The following PBX1 variants were observed in gnomAD, a reference collection of about 807,000 sequenced individuals.
The protein encoded by PBX1 is pre-B-cell leukemia transcription factor 1.
Under a neutral mutation model 53.4 loss-of-function variants are expected in PBX1, and 6 were observed. The observed-to-expected ratio is 0.11, with a 90% CI of 0.06 to 0.22. The LOEUF is 0.22. Ranked by LOEUF, PBX1 falls within the 10% of genes least tolerant of loss-of-function variation. The probability of loss-of-function intolerance (pLI) is 1.00; values close to 1 mark genes in which losing one functional copy is unlikely to be tolerated. For missense variants in PBX1, 251 were observed against 551.4 expected (o/e 0.46, Z 5.46); for synonymous variants, 204 against 212.3 (o/e 0.96, Z 0.34).
chr1:164,793,872 C>CTTTTTTTTTTTTTT (rs72414989), intron 3 of PBX1, among the ~76,000 whole-genome samples: 4 of 78,220 alleles, frequency 5.1e-5, no homozygotes, highest in African/African-American at 1.0e-4. Flanking sequence ...TTTTTCCTTT[C>CTTTTTTTTTTTTTT]TTTTTTTTTT....
chr1:164,666,792 A>G (rs1260027671), intron 2 of PBX1, among the ~76,000 whole-genome samples: 1 of 152,202 alleles, frequency 6.6e-6, no homozygotes, highest in East Asian at 1.9e-4. Flanking sequence ...AAGTAGTAAA[A>G]ATAAATAATA....
intron 2 of PBX1, among the ~76,000 whole-genome samples, chr1:164,727,789 T>C (rs1664776372): frequency 6.6e-6 from 1 of 152,168 alleles, no homozygotes; most frequent in Admixed American, 6.5e-5. Context: ...GAAGTCTTTG[T>C]CCCAGCCTCC....
At chr1:164,723,154 G>A (rs571752526) in intron 2 of PBX1, among the ~76,000 whole-genome samples, 61 of 152,254 alleles carry the variant, frequency 4.0e-4, no homozygotes, top group Admixed American at 1.4e-3. Context: ...CCCAGATTGG[G>A]CATTATGCAT....
In PBX1 at chr1:164,847,334, A is replaced by G. The variant is rs1671624212; in HGVS notation, c.*658A>G. Reference sequence around the variant, plus strand: ...TCATAGCTGGGATTCTAAAGGTGCCACATTTTTCAGTTTCATCTCCACTAG... The same window carrying G: ...TCATAGCTGGGATTCTAAAGGTGCCGCATTTTTCAGTTTCATCTCCACTAG... On this transcript the variant is annotated 3_prime_UTR_variant, in exon 9 of 9. Coordinates refer to ENST00000420696, the MANE Select transcript of PBX1 (RefSeq NM_002585.4). The G allele has an allele frequency of 1.9e-6, 2 of 1,064,818 alleles. No homozygotes were observed. The highest frequency in any genetic ancestry group is 2.3e-6 in the Non-Finnish European group (2 of 879,086). 66.0% of individuals were successfully genotyped at this position (1,064,818 alleles called of 1,614,324 possible). A position where few individuals can be genotyped will look rare whatever the true frequency, so the allele number is the denominator to read the frequency against.
At chr1:164,881,359 AGGAG>A (rs1672647136) in intron 2 of PBX1, among the ~76,000 whole-genome samples, 1 of 54,370 alleles carries the variant, frequency 1.8e-5, no homozygotes, top group African/African-American at 5.0e-5. Context: ...GAAGGAAGGA[AGGAG>A]GAAAAGAAGG....
At chr1:164,724,468 G>A (rs559506757) in intron 2 of PBX1, among the ~76,000 whole-genome samples, 2 of 152,206 alleles carry the variant, frequency 1.3e-5, no homozygotes, top group South Asian at 4.1e-4. Flanking sequence ...AATAGCTGAT[G>A]AGGTAAAAGA....
chr1:164,672,262 T>C (rs1361421412), intron 2 of PBX1, among the ~76,000 whole-genome samples: 1 of 152,144 alleles, frequency 6.6e-6, no homozygotes, highest in Admixed American at 6.5e-5. Context: ...CTGTCATCGG[T>C]GGGCACTGCT....
At chr1:164,641,915 A>G (rs532324884) in intron 2 of PBX1, 2 of 152,298 alleles carry the variant, frequency 1.3e-5, no homozygotes, top group East Asian at 3.9e-4. Context: ...GATAAATTTT[A>G]AGCTTTTGAT....
At chr1:164,869,864 C>T (rs1672307577) in intron 2 of PBX1, among the ~76,000 whole-genome samples, 1 of 152,136 alleles carries the variant, frequency 6.6e-6, no homozygotes, top group Non-Finnish European at 1.5e-5. Context: ...GGGGCAGAAG[C>T]AAGCCAGGCA....
intron 2 of PBX1, among the ~76,000 whole-genome samples, chr1:164,786,161 G>A (rs944469981): frequency 6.6e-6 from 1 of 152,178 alleles, no homozygotes; most frequent in Non-Finnish European, 1.5e-5. Flanking sequence ...ACAGATCCTT[G>A]GATCTCACCA....
chr1:164,571,089 C>T (rs1653816585), intron 2 of PBX1, among the ~76,000 whole-genome samples: 1 of 152,128 alleles, frequency 6.6e-6, no homozygotes, highest in Non-Finnish European at 1.5e-5. Flanking sequence ...CTAGTACATT[C>T]CTTATTTAGG....
chr1:164,665,294 T>A (rs1485486620), intron 2 of PBX1, among the ~76,000 whole-genome samples: 1 of 152,206 alleles, frequency 6.6e-6, no homozygotes, highest in East Asian at 1.9e-4. Flanking sequence ...TTTTATTGAT[T>A]TACTTTTTGA....
chr1:164,815,715 G>T (rs566696098), intron 6 of PBX1: 1 of 152,298 alleles, frequency 6.6e-6, no homozygotes, highest in South Asian at 2.1e-4. Context: ...GATAGATCTT[G>T]TGAGAACTCA....
At chr1:164,792,138 T>C (rs569687454) in intron 2 of PBX1, among the ~76,000 whole-genome samples, 1 of 152,278 alleles carries the variant, frequency 6.6e-6, no homozygotes, top group East Asian at 1.9e-4. Context: ...TTGAGTATTA[T>C]TTTGCAGCCA....
intron 2 of PBX1, among the ~76,000 whole-genome samples, chr1:164,690,660 T>G (rs1176953747): frequency 6.6e-6 from 1 of 152,010 alleles, no homozygotes; most frequent in Non-Finnish European, 1.5e-5. Flanking sequence ...TTTCTGTTGT[T>G]GCTGTTTCTT....
intron 2 of PBX1, among the ~76,000 whole-genome samples, chr1:164,653,460 C>T (rs570101480): frequency 6.6e-6 from 1 of 151,824 alleles, no homozygotes. Flanking sequence ...AGTGGCAGGG[C>T]CGTGGTGCTG....
intron 2 of PBX1, among the ~76,000 whole-genome samples, chr1:164,678,695 C>T (rs1297896765): frequency 6.6e-6 from 1 of 152,184 alleles, no homozygotes. Context: ...ATTATCTCAG[C>T]AAAACCCCTC....
chr1:164,846,574 T>C lies in PBX1; in HGVS notation c.1201-10T>C. On this transcript the variant is annotated splice_polypyrimidine_tract_variant and intron_variant, in intron 8 of 8. Transcript: ENST00000420696. ...CAGAGGACTGACTTCTCTCCCTTTTTCCCTTCTAGGCTAATGGAGGTTGGC... is the reference window on the plus strand; with the variant it reads ...CAGAGGACTGACTTCTCTCCCTTTTCCCCTTCTAGGCTAATGGAGGTTGGC... 1 of 1,613,524 alleles carries C rather than the reference T, an allele frequency of 6.2e-7. No homozygotes were observed. The highest frequency in any genetic ancestry group is 8.5e-7 in the Non-Finnish European group (1 of 1,179,426).
rs192434224 is a variant in PBX1, at chr1:164,839,822, G to A, written c.1201-6762G>A. Among the ~76,000 whole-genome samples the A allele has an allele frequency of 1.3e-3, 198 of 152,198 alleles. 5 individuals are homozygous for A. The South Asian group carries it at 0.034, about 26-fold the overall frequency. ...ATAAACAAGATCTCAGGATTCAAGA[G>A]GCTTGATGGGAGCCAGACTAGAGAG... On this transcript the variant is annotated intron_variant, in intron 8 of 8. Coordinates refer to ENST00000420696, the MANE Select transcript of PBX1 (RefSeq NM_002585.4).
Sources: gnomAD v4.1 joint callset for allele counts (sites outside exome capture counted in the v4.1 genomes callset) on GRCh38, gnomAD v4.1.1 for gene constraint, MANE v1.5 for transcripts, NCBI Gene and HGNC (gene_info 2026-07-23, HGNC 2026-07-21) for gene names.